ATP2B4: variants seen among roughly 807,000 people sequenced by gnomAD.
ATP2B4 encodes ATPase plasma membrane Ca2+ transporting 4.
A neutral mutation model predicts 110.3 loss-of-function variants in ATP2B4; 39 were observed. The ratio of observed to expected loss-of-function variants is 0.35; its 90% CI spans 0.27 to 0.46. The LOEUF is 0.46. Ranked by LOEUF, ATP2B4 falls within the 20% of genes least tolerant of loss-of-function variation. The pLI is 1.00. For missense variants in ATP2B4, 1,135 were observed against 1,530.9 expected (o/e 0.74, Z 4.32); for synonymous variants, 538 against 571.7 (o/e 0.94, Z 0.84).
chr1:203,706,831 T>G (rs1193422276), intron 8 of ATP2B4, among the ~76,000 whole-genome samples, 178 bp from the exon 9 acceptor site: 2 of 152,194 alleles, frequency 1.3e-5, no homozygotes, highest in African/African-American at 4.8e-5. Flanking sequence ...AACCACTGTC[T>G]GTTCCCTATG....
chr1:203,734,984 CAG>C, intron 20 of ATP2B4, among the ~76,000 whole-genome samples: 1 of 101,970 alleles, frequency 9.8e-6, no homozygotes, highest in East Asian at 3.3e-4. Context: ...GCCTGGGTGA[CAG>C]AGACAGACTC....
At chr1:203,696,366 C>T (rs1665533477) in intron 2 of ATP2B4, among the ~76,000 whole-genome samples, 2 of 152,214 alleles carry the variant, frequency 1.3e-5, no homozygotes, top group African/African-American at 4.8e-5. Context: ...CATCCAAGTC[C>T]TTTGCCTCCG....
At chr1:203,654,282 C>A (rs2102322824) in intron 1 of ATP2B4, among the ~76,000 whole-genome samples, 1 of 152,210 alleles carries the variant, frequency 6.6e-6, no homozygotes, top group Middle Eastern at 3.4e-3. Flanking sequence ...CCGTGCCCGG[C>A]CAGTTTACCA....
chr1:203,700,839 G>A lies in ATP2B4; in HGVS notation c.817G>A (p.Ala273Thr). 6.2e-7 allele frequency: 1 copy of A among 1,613,628 alleles called. No individual in the cohort carries two copies. Among genetic ancestry groups the A allele is most frequent in the Non-Finnish European group, 8.5e-7 (1 of 1,179,758 alleles). ...MEGSGRMVVT[A>T]VGVNSQTGII... ...AGGTTCTGGCCGGATGGTGGTGACA[G>A]CTGTTGGTGTCAACTCTCAGACTGG... The change falls in exon 6 of 21, where the codon GCT becomes ACT. Residue 273 changes from alanine to threonine, a missense_variant. Coordinates refer to ENST00000357681, the MANE Select transcript of ATP2B4 (RefSeq NM_001684.5).
chr1:203,698,123 T>G, intron 2 of ATP2B4, 34 bp from the exon 3 acceptor site: 1 of 1,604,670 alleles, frequency 6.2e-7, no homozygotes, highest in Non-Finnish European at 8.5e-7. Flanking sequence ...CCTTTTTTCC[T>G]ACATTCATTC....
chr1:203,675,752 G>T (rs1049666141), intron 1 of ATP2B4, among the ~76,000 whole-genome samples: 1 of 151,990 alleles, frequency 6.6e-6, no homozygotes, highest in Non-Finnish European at 1.5e-5. Flanking sequence ...TAACCAGGAA[G>T]TGGCGTTCTA....
intron 20 of ATP2B4, among the ~76,000 whole-genome samples, chr1:203,735,806 T>G (rs1031314104): frequency 5.3e-5 from 8 of 152,186 alleles, no homozygotes; most frequent in Non-Finnish European, 1.2e-4. Flanking sequence ...CTAACTAGCT[T>G]CTGTTCTGTT....
chr1:203,734,078 G>A (rs539977472), intron 20 of ATP2B4, among the ~76,000 whole-genome samples: 1 of 152,324 alleles, frequency 6.6e-6, no homozygotes, highest in Non-Finnish European at 1.5e-5. Flanking sequence ...GGCCAAAGCA[G>A]ATCACGAGGT....
chr1:203,709,348 C>T lies in ATP2B4; in HGVS notation c.1605C>T (p.Thr535=), dbSNP rs113580712. ...GGLPRQVGNK[T]ECALLGFVTD... ...TGCCTCGGCAGGTGGGCAACAAGACCGAGTGTGCTCTGCTAGGCTTTGTCA... is the reference window on the plus strand; with the variant it reads ...TGCCTCGGCAGGTGGGCAACAAGACTGAGTGTGCTCTGCTAGGCTTTGTCA... The change falls in exon 11 of 21, where the codon ACC becomes ACT. Residue 535 remains threonine (T), a synonymous_variant. Transcript: ENST00000357681. The T allele has an allele frequency of 2.4e-4, 390 of 1,614,178 alleles. 2 individuals are homozygous for T. The African/African-American group carries it at 4.1e-3, about 17-fold the overall frequency.
intron 1 of ATP2B4, among the ~76,000 whole-genome samples, chr1:203,634,050 C>CA (rs923813000): frequency 6.6e-6 from 1 of 151,622 alleles, no homozygotes; most frequent in Non-Finnish European, 1.5e-5. Flanking sequence ...AACTCCGTCT[C>CA]AAAAAAAATT....
chr1:203,712,119 A>C lies in ATP2B4; in HGVS notation c.2191A>C (p.Ile731Leu), dbSNP rs1281585829. The change falls in exon 13 of 21, where the codon ATC becomes CTC. Residue 731 changes from isoleucine to leucine, a missense_variant. Transcript: ENST00000357681. ...AGAAGGCAAAGAATTCAACCGGCTCATCCGCAACGAGAAAGGCGAGGTGGG... is the reference window on the plus strand; with the variant it reads ...AGAAGGCAAAGAATTCAACCGGCTCCTCCGCAACGAGAAAGGCGAGGTGGG... Reference protein sequence around the residue: ...CLEGKEFNRLIRNEKGEVEQE... With the variant: ...CLEGKEFNRLLRNEKGEVEQE... 3 of 1,614,050 alleles carry C rather than the reference A, an allele frequency of 1.9e-6. No homozygotes were observed. In the South Asian group the frequency reaches 3.3e-5, roughly 18 times the overall value.
chr1:203,633,589 C>A (rs372594379), intron 1 of ATP2B4, among the ~76,000 whole-genome samples: 1 of 152,096 alleles, frequency 6.6e-6, no homozygotes, highest in Non-Finnish European at 1.5e-5. Flanking sequence ...CATGGTGAAA[C>A]CCTGTCTCTA....
intron 3 of ATP2B4, 126 bp downstream of exon 3, chr1:203,698,480 T>C: frequency 9.6e-7 from 1 of 1,042,874 alleles, no homozygotes; most frequent in Non-Finnish European, 1.4e-6. Flanking sequence ...CAGAGTGGGC[T>C]TTCCAAAGGA....
intron 2 of ATP2B4, 145 bp from the exon 3 acceptor site, chr1:203,698,012 T>A: frequency 1.4e-6 from 1 of 703,094 alleles, no homozygotes; most frequent in East Asian, 2.7e-5. Flanking sequence ...GCCTCTTTAT[T>A]TTATTTATTT....
chr1:203,657,135 G>T, intron 1 of ATP2B4: 1 of 833,116 alleles, frequency 1.2e-6, no homozygotes, highest in Non-Finnish European at 2.1e-6. Flanking sequence ...TATACGGTGG[G>T]GATGAGGGAT....
chr1:203,719,669 C>G (rs1016876293), intron 15 of ATP2B4, among the ~76,000 whole-genome samples: 11 of 151,792 alleles, frequency 7.2e-5, no homozygotes, highest in African/African-American at 2.4e-4. Context: ...GAGCTGAGAT[C>G]ACACCACTGC....
intron 2 of ATP2B4, among the ~76,000 whole-genome samples, chr1:203,696,319 C>T (rs1295486072): frequency 6.6e-6 from 1 of 152,188 alleles, no homozygotes; most frequent in Non-Finnish European, 1.5e-5. Flanking sequence ...AACAGAATAG[C>T]CCTTCACATT....
intron 20 of ATP2B4, chr1:203,733,488 T>C: frequency 7.5e-7 from 1 of 1,333,650 alleles, no homozygotes; most frequent in Middle Eastern, 2.0e-4. Flanking sequence ...ATGGTTATCT[T>C]TTCCTTTTGG....
chr1:203,674,238 A>G (rs1250904612), intron 1 of ATP2B4, among the ~76,000 whole-genome samples: 1 of 152,120 alleles, frequency 6.6e-6, no homozygotes, highest in Non-Finnish European at 1.5e-5. Flanking sequence ...TGGCATTGTC[A>G]CTTCCACCTG....
Sources: gnomAD v4.1 joint callset for allele counts (sites outside exome capture counted in the v4.1 genomes callset) on GRCh38, gnomAD v4.1.1 for gene constraint, MANE v1.5 for transcripts, NCBI Gene and HGNC (gene_info 2026-07-23, HGNC 2026-07-21) for gene names.